Variants in SENP7 observed in about 807,000 individuals in gnomAD.
SENP7 encodes the protein SUMO specific peptidase 7.
In SENP7, 64 loss-of-function variants were observed where a neutral mutation model predicts 141.2. The observed-to-expected ratio is 0.45, with a 90% CI of 0.37 to 0.56. SENP7 has a LOEUF of 0.56. Ranked by LOEUF, SENP7 falls within the 20% of genes least tolerant of loss-of-function variation. SENP7 has a pLI of 0.00. For missense variants in SENP7, 1,025 were observed against 1,212.2 expected (o/e 0.85, Z 2.29); for synonymous variants, 382 against 426.4 (o/e 0.90, Z 1.28).
chr3:101,330,526 T>A (rs1185706544), intron 19 of SENP7, 140 bp from the exon 20 acceptor site: 1 of 503,530 alleles, frequency 2.0e-6, no homozygotes, highest in Non-Finnish European at 3.5e-6. Context: ...TTTTCATGAT[T>A]AATGTTATGA....
In SENP7 at chr3:101,455,442, T is replaced by C. The variant is rs184574931; in HGVS notation, c.284+3513A>G. On this transcript the variant is annotated intron_variant, in intron 4 of 23. Transcript: ENST00000394095. ...AGATATTAGCTGCCGTAATTATAAA[T>C]AGAGGGTTTTCAGTTCCAAACTGAT... Among the ~76,000 whole-genome samples, 35 of 152,276 alleles carry C rather than the reference T, an allele frequency of 2.3e-4. No individual in the cohort carries two copies. In the East Asian group the frequency reaches 6.7e-3, roughly 29 times the overall value.
intron 4 of SENP7, among the ~76,000 whole-genome samples, chr3:101,424,413 T>C (rs2107683884): frequency 6.6e-6 from 1 of 150,986 alleles, no homozygotes; most frequent in Middle Eastern, 3.4e-3. Context: ...CACCCTGCCC[T>C]GCCACTGTGT....
chr3:101,458,270 C>T (rs752500812), intron 4 of SENP7, among the ~76,000 whole-genome samples: 1 of 152,102 alleles, frequency 6.6e-6, no homozygotes. Flanking sequence ...AATTCAAGGA[C>T]CCCAATGAGT....
chr3:101,490,140 G>A (rs904513975), intron 3 of SENP7, among the ~76,000 whole-genome samples: 10 of 151,332 alleles, frequency 6.6e-5, no homozygotes, highest in African/African-American at 1.2e-4. Context: ...AGCCAAGATC[G>A]TGCCATTGCA....
At chr3:101,460,629 A>T (rs1195807398) in intron 3 of SENP7, among the ~76,000 whole-genome samples, 1 of 152,204 alleles carries the variant, frequency 6.6e-6, no homozygotes, top group African/African-American at 2.4e-5. Context: ...CATTTTCATG[A>T]CTTGTATTTG....
intron 20 of SENP7, among the ~76,000 whole-genome samples, 172 bp downstream of exon 20, chr3:101,330,159 GAAT>G (rs1345916280): frequency 6.6e-6 from 1 of 152,010 alleles, no homozygotes; most frequent in Non-Finnish European, 1.5e-5. Flanking sequence ...ACAGATATAA[GAAT>G]AATAACTAAT....
intron 4 of SENP7, among the ~76,000 whole-genome samples, chr3:101,444,084 C>T (rs112427240): frequency 0.26 from 27,954 of 106,196 alleles, 4,201 homozygotes; most frequent in Admixed American, 0.36. Flanking sequence ...GGGTGAAGGA[C>T]ATGAACAGAG....
At chr3:101,427,019 A>G (rs2061983650) in intron 4 of SENP7, among the ~76,000 whole-genome samples, 1 of 152,206 alleles carries the variant, frequency 6.6e-6, no homozygotes, top group African/African-American at 2.4e-5. Context: ...ATCCTGATAC[A>G]AAAACTTGGC....
intron 4 of SENP7, chr3:101,457,192 G>C: frequency 8.0e-7 from 1 of 1,253,904 alleles, no homozygotes; most frequent in African/African-American, 1.5e-5. Context: ...ATATAAAATA[G>C]CAGCTCCCAG....
At chr3:101,368,839 C>T (rs2060107745) in intron 7 of SENP7, among the ~76,000 whole-genome samples, 1 of 152,078 alleles carries the variant, frequency 6.6e-6, no homozygotes. Context: ...ATGTAATTTA[C>T]ATAAATACAT....
intron 1 of SENP7, among the ~76,000 whole-genome samples, chr3:101,512,232 A>G (rs2065891003): frequency 1.3e-5 from 2 of 152,224 alleles, no homozygotes; most frequent in African/African-American, 4.8e-5. Context: ...CTGGACTGTA[A>G]GCATATGAGT....
chr3:101,476,537 T>G (rs1359706917), intron 3 of SENP7, among the ~76,000 whole-genome samples: 2 of 152,206 alleles, frequency 1.3e-5, no homozygotes, highest in African/African-American at 4.8e-5. Context: ...TTTGCTATTG[T>G]GAATGGTGCC....
At chr3:101,451,332 C>A (rs370047720) in intron 4 of SENP7, among the ~76,000 whole-genome samples, 1 of 152,072 alleles carries the variant, frequency 6.6e-6, no homozygotes, top group African/African-American at 2.4e-5. Context: ...TTCCAATCAA[C>A]AGAAAAAGAG....
At chr3:101,412,156 G>A (rs1441235389) in intron 5 of SENP7, among the ~76,000 whole-genome samples, 7 of 152,084 alleles carry the variant, frequency 4.6e-5, no homozygotes, top group Admixed American at 4.6e-4. Context: ...TTTGCTGAAA[G>A]ATAACATAAT....
chr3:101,479,922 A>C (rs1288953630), intron 3 of SENP7, among the ~76,000 whole-genome samples: 1 of 65,228 alleles, frequency 1.5e-5, no homozygotes, highest in South Asian at 5.3e-4. Context: ...AAAAAAAAAA[A>C]CACACACACA....
At position 101,361,753 on chromosome 3, in the gene SENP7, T is replaced by C. The variant is rs764116364; in HGVS notation, c.1585A>G (p.Ile529Val). 6.3e-7 allele frequency: 1 copy of C among 1,595,756 alleles called. No homozygotes were observed. Residue 529 changes from isoleucine (I) to valine (V), a missense_variant, in exon 11 of 24, where the codon ATT becomes GTT. Ile to Val is a conservative substitution (Grantham distance 29, BLOSUM62 3). This residue lies in a region of SENP7 where 228 missense variants were observed against 228.5 expected (regional missense o/e 1.00). Transcript: ENST00000394095. ...TTAGAAGCTCCTTTTATTTTACCAA[T>C]ATAAACAGAAGTAAATATAAAATCC... Reference protein sequence around the residue: ...QLDFIFTSVYIGKIKGASKGC... With the variant: ...QLDFIFTSVYVGKIKGASKGC...
chr3:101,468,562 T>C (rs2063851526), intron 3 of SENP7, among the ~76,000 whole-genome samples: 2 of 152,116 alleles, frequency 1.3e-5, no homozygotes, highest in African/African-American at 4.8e-5. Flanking sequence ...TTCAACATTC[T>C]TAAAGAAAAG....
At chr3:101,376,062 G>A (rs932611111) in intron 6 of SENP7, among the ~76,000 whole-genome samples, 2 of 152,156 alleles carry the variant, frequency 1.3e-5, no homozygotes, top group African/African-American at 2.4e-5. Context: ...GATGAACTTT[G>A]AGGACATTAT....
intron 3 of SENP7, among the ~76,000 whole-genome samples, chr3:101,470,866 CAAAG>C (rs1045368407): frequency 1.4e-4 from 22 of 152,100 alleles, no homozygotes; most frequent in African/African-American, 5.3e-4. Flanking sequence ...AACAGACAAA[CAAAG>C]AGCCAAATCA....
Sources: gnomAD v4.1 joint callset for allele counts (sites outside exome capture counted in the v4.1 genomes callset) on GRCh38, gnomAD v4.1.1 for gene constraint, gnomAD v4.1.1 regional missense constraint, MANE v1.5 for transcripts, NCBI Gene and HGNC (gene_info 2026-07-23, HGNC 2026-07-21) for gene names.